Variants in CHSY3 observed in about 807,000 individuals in gnomAD.
The protein encoded by CHSY3 is chondroitin sulfate synthase 3.
In CHSY3, 35 loss-of-function variants were observed where a neutral mutation model predicts 67.2. The ratio of observed to expected loss-of-function variants is 0.52; its 90% confidence interval spans 0.40 to 0.69. The LOEUF (loss-of-function observed/expected upper bound fraction) is 0.69. CHSY3 is among the 30% of genes least tolerant of loss of function. CHSY3 has a pLI of 0.00. For synonymous variants in CHSY3, 474 were observed against 434.7 expected (o/e 1.09, Z -1.12); for missense variants, 1,069 against 1,138.5 (o/e 0.94, Z 0.88).
intron 2 of CHSY3, among the ~76,000 whole-genome samples, chr5:129,919,048 C>A (rs2431199): frequency 0.93 from 132,275 of 141,492 alleles, 61,950 homozygotes; most frequent in East Asian, 1. Flanking sequence ...CGGAGCTTGC[C>A]GTGAGCCGAG....
intron 2 of CHSY3, among the ~76,000 whole-genome samples, chr5:130,006,015 A>G (rs1763863468): frequency 6.6e-6 from 1 of 152,202 alleles, no homozygotes; most frequent in African/African-American, 2.4e-5. Context: ...TGTGCATGAA[A>G]AGATAAACCC....
At chr5:130,164,103 C>T (rs1769649855) in intron 2 of CHSY3, among the ~76,000 whole-genome samples, 1 of 152,168 alleles carries the variant, frequency 6.6e-6, no homozygotes, top group African/African-American at 2.4e-5. Context: ...AAATGGGCTC[C>T]AGAGCCCTGT....
chr5:129,983,114 A>G (rs1763068632), intron 2 of CHSY3, among the ~76,000 whole-genome samples: 1 of 152,122 alleles, frequency 6.6e-6, no homozygotes, highest in African/African-American at 2.4e-5. Context: ...TTTGAAAAAC[A>G]CTATGATATA....
chr5:130,067,812 T>C (rs764858698), intron 2 of CHSY3, among the ~76,000 whole-genome samples: 11 of 152,318 alleles, frequency 7.2e-5, no homozygotes, highest in African/African-American at 1.7e-4. Context: ...ATCAACTATA[T>C]ATTTTATTCG....
chr5:130,174,296 G>C (rs138774287), intron 2 of CHSY3, among the ~76,000 whole-genome samples: 4 of 148,658 alleles, frequency 2.7e-5, no homozygotes, highest in Non-Finnish European at 6.0e-5. Context: ...ATCCTTTCTC[G>C]TTAAAAAAAA....
At chr5:130,136,973 G>C (rs1406722754) in intron 2 of CHSY3, among the ~76,000 whole-genome samples, 1 of 151,976 alleles carries the variant, frequency 6.6e-6, no homozygotes, top group Non-Finnish European at 1.5e-5. Flanking sequence ...AAATTGTTAG[G>C]GGTTTCTTGT....
chr5:130,001,745 A>G, intron 2 of CHSY3: 1 of 839,378 alleles, frequency 1.2e-6, no homozygotes, highest in Non-Finnish European at 1.4e-6. Context: ...TGCTCATAAA[A>G]ATTGGCATCC....
At chr5:130,126,206 T>C (rs1428264791) in intron 2 of CHSY3, among the ~76,000 whole-genome samples, 1 of 152,076 alleles carries the variant, frequency 6.6e-6, no homozygotes, top group African/African-American at 2.4e-5. Flanking sequence ...TATGTGTGTA[T>C]TGATTTCCTG....
chr5:130,069,987 T>C (rs1468144525), intron 2 of CHSY3, among the ~76,000 whole-genome samples: 5 of 152,060 alleles, frequency 3.3e-5, no homozygotes, highest in African/African-American at 1.2e-4. Context: ...AAATAACATT[T>C]TTAACGAAAC....
At chr5:130,145,269 A>G (rs976247199) in intron 2 of CHSY3, among the ~76,000 whole-genome samples, 1 of 152,120 alleles carries the variant, frequency 6.6e-6, no homozygotes, top group African/African-American at 2.4e-5. Flanking sequence ...AATGGAACAT[A>G]ATAAAGAGGC....
intron 2 of CHSY3, among the ~76,000 whole-genome samples, chr5:130,035,663 A>G (rs1165785109): frequency 6.6e-6 from 1 of 152,100 alleles, no homozygotes; most frequent in Non-Finnish European, 1.5e-5. Context: ...TGAAGGGTGT[A>G]ATCATTTCTG....
At chr5:130,167,545 T>G (rs1261173697) in intron 2 of CHSY3, among the ~76,000 whole-genome samples, 1 of 152,138 alleles carries the variant, frequency 6.6e-6, no homozygotes, top group Non-Finnish European at 1.5e-5. Flanking sequence ...AAACCTAAGT[T>G]ATTTCAAGCT....
At chr5:130,128,253 T>TGTGTGTGTATGTGC in intron 2 of CHSY3, among the ~76,000 whole-genome samples, 1 of 150,910 alleles carries the variant, frequency 6.6e-6, no homozygotes, top group East Asian at 2.0e-4. Flanking sequence ...TGTGTGTGTG[T>TGTGTGTGTATGTGC]GCGCTCACAT....
intron 2 of CHSY3, among the ~76,000 whole-genome samples, chr5:130,129,537 T>C (rs1768413240): frequency 6.6e-6 from 1 of 152,184 alleles, no homozygotes; most frequent in African/African-American, 2.4e-5. Flanking sequence ...TTCCCTTATG[T>C]GATTATACTG....
chr5:130,116,447 A>G (rs1767805004), intron 2 of CHSY3, among the ~76,000 whole-genome samples: 1 of 152,222 alleles, frequency 6.6e-6, no homozygotes, highest in Non-Finnish European at 1.5e-5. Flanking sequence ...GGACTATACA[A>G]TAATTCAGAT....
chr5:130,040,068 A>G (rs1764966107), intron 2 of CHSY3, among the ~76,000 whole-genome samples: 1 of 152,054 alleles, frequency 6.6e-6, no homozygotes, highest in Non-Finnish European at 1.5e-5. Flanking sequence ...AAACATTTTG[A>G]ACTTTCGTCT....
intron 2 of CHSY3, among the ~76,000 whole-genome samples, chr5:129,956,016 T>C (rs982315617): frequency 1.3e-5 from 2 of 152,192 alleles, no homozygotes; most frequent in African/African-American, 2.4e-5. Context: ...GTCTTTACCA[T>C]AGAACAATTT....
chr5:130,085,685 C>G (rs1280324033), intron 2 of CHSY3, among the ~76,000 whole-genome samples: 1 of 151,992 alleles, frequency 6.6e-6, no homozygotes, highest in Admixed American at 6.6e-5. Flanking sequence ...TTTTCTAGTG[C>G]TTTTAATTGT....
intron 2 of CHSY3, among the ~76,000 whole-genome samples, chr5:130,072,177 A>G (rs983687650): frequency 2.0e-5 from 3 of 151,944 alleles, no homozygotes; most frequent in Non-Finnish European, 2.9e-5. Context: ...TTTCTTTGCT[A>G]TGCAGAAGCT....
Sources: allele counts gnomAD v4.1 joint callset (sites outside exome capture counted in the v4.1 genomes callset), GRCh38; gene constraint gnomAD v4.1.1; transcripts MANE v1.5; gene names NCBI Gene and HGNC (gene_info 2026-07-23, HGNC 2026-07-21).